Variants in CABP5 observed in about 807,000 individuals in gnomAD.
CABP5 encodes calcium-binding protein 5.
Under a neutral mutation model 21.9 loss-of-function variants are expected in CABP5, and 17 were observed. The observed-to-expected ratio is 0.78, with a 90% confidence interval of 0.53 to 1.17. The LOEUF (loss-of-function observed/expected upper bound fraction) is 1.17, where lower values mean the gene tolerates loss of function less well. Among genes scored for constraint, CABP5 ranks in the 50% most tolerant of loss-of-function variants. The pLI is 0.00. For missense variants in CABP5, 229 were observed against 228.9 expected, an observed-to-expected ratio of 1.00 and a Z score of 0.00; for synonymous variants, 85 against 79.4, an observed-to-expected ratio of 1.07 and a Z score of -0.37.
chr19:48,036,233 T>C (rs1056214120), intron 4 of CABP5, among the ~76,000 whole-genome samples: 1 of 152,110 alleles, frequency 6.6e-6, no homozygotes, highest in African/African-American at 2.4e-5. Context: ...GTAGTGCCCA[T>C]GTGGAAGGCA....
At chr19:48,031,759 C>T (rs777238642) in intron 5 of CABP5, among the ~76,000 whole-genome samples, 11 of 152,018 alleles carry the variant, frequency 7.2e-5, no homozygotes, top group Non-Finnish European at 1.6e-4. Flanking sequence ...CCACCCGGGT[C>T]TTGAGGTCAT....
Position 48,039,806 on chromosome 19 carries a change from C to T in CABP5, c.239-489G>A, listed in dbSNP as rs1274731141. 3.4e-5 allele frequency among the ~76,000 whole-genome samples: 5 copies of T among 148,642 alleles called. No homozygotes were observed. The East Asian group carries it at 5.9e-4, about 18-fold the overall frequency. Reference sequence around the variant, plus strand: ...TCGGCTCACTGCAACCTCTGCCTCCCGGGTTCAAGCGATTCTCGTACCTTA... The same window carrying T: ...TCGGCTCACTGCAACCTCTGCCTCCTGGGTTCAAGCGATTCTCGTACCTTA... On this transcript the variant is annotated intron_variant, in intron 3 of 5. Coordinates refer to ENST00000293255, the MANE Select transcript of CABP5 (RefSeq NM_019855.5).
At chr19:48,033,673 A>T (rs11880492) in intron 5 of CABP5, among the ~76,000 whole-genome samples, 45,884 of 152,012 alleles carry the variant, frequency 0.3, 7,823 homozygotes, top group Non-Finnish European at 0.38. Context: ...CAGGGAAGGA[A>T]AATTTAAAAA....
chr19:48,041,698 G>T, intron 1 of CABP5, 95 bp from the exon 2 acceptor site: 1 of 1,143,900 alleles, frequency 8.7e-7, no homozygotes, highest in Non-Finnish European at 1.3e-6. Context: ...CCACGCTCTC[G>T]TGGTTCTCTT....
chr19:48,033,951 A>C (rs2052596206), intron 5 of CABP5, among the ~76,000 whole-genome samples: 1 of 152,144 alleles, frequency 6.6e-6, no homozygotes, highest in Admixed American at 6.6e-5. Context: ...GCAAGGCGGA[A>C]GGGCGTCCTG....
At chr19:48,034,550 T>C (rs796412319) in intron 4 of CABP5, among the ~76,000 whole-genome samples, 188 bp from the exon 5 acceptor site, 5 of 147,758 alleles carry the variant, frequency 3.4e-5, no homozygotes, top group South Asian at 2.1e-4. Context: ...CTTTCTTTTT[T>C]TTTTTTTTTT....
chr19:48,042,169 AG>A (rs1967489633), intron 1 of CABP5, among the ~76,000 whole-genome samples: 1 of 152,112 alleles, frequency 6.6e-6, no homozygotes, highest in Admixed American at 6.5e-5. Flanking sequence ...TCATGGGGCA[AG>A]TCAGACACAG....
At position 48,030,302 on chromosome 19, in the gene CABP5, C is replaced by T. The variant is rs960477979; in HGVS notation, c.*255G>A. 1.4e-5 allele frequency: 6 copies of T among 437,166 alleles called. No homozygotes were observed. Among genetic ancestry groups the T allele is most frequent in the Non-Finnish European group, 2.4e-5 (6 of 248,310 alleles). The allele number at this position is 437,166 out of a possible 1,614,324, so 27.1% of individuals were successfully genotyped here. On this transcript the variant is annotated 3_prime_UTR_variant, in exon 6 of 6. Transcript: ENST00000293255. ...GAATCATTGGAATTTTTGGGGGTGG[C>T]AACTGGACCCTCCCACGCTTCCTAT... is the stretch of plus-strand genomic sequence containing the variant.
intron 1 of CABP5, 91 bp from the exon 2 acceptor site, chr19:48,041,694 T>C: frequency 8.8e-7 from 1 of 1,142,294 alleles, no homozygotes; most frequent in South Asian, 1.4e-5. Flanking sequence ...CTCCCCACGC[T>C]CTCGTGGTTC....
intron 5 of CABP5, among the ~76,000 whole-genome samples, chr19:48,032,841 C>G (rs77158736): frequency 0.3 from 45,844 of 151,124 alleles, 7,802 homozygotes; most frequent in Non-Finnish European, 0.38. Context: ...ACGTTGGCCC[C>G]CCTGGTCTCG....
At chr19:48,037,259 C>CTGTTTTTTTTTTTTTTTTTTT (rs1967420294) in intron 4 of CABP5, among the ~76,000 whole-genome samples, 1 of 44,958 alleles carries the variant, frequency 2.2e-5, no homozygotes, top group African/African-American at 7.3e-5. Flanking sequence ...TACTATTCAG[C>CTGTTTTTTTTTTTTTTTTTTT]TTTTTTTTTT....
intron 4 of CABP5, among the ~76,000 whole-genome samples, chr19:48,035,821 A>G (rs1293781514): frequency 6.6e-6 from 1 of 152,224 alleles, no homozygotes; most frequent in Non-Finnish European, 1.5e-5. Context: ...GGGCCCAAGT[A>G]CGTAGGGGCT....
rs189741674 is a variant in CABP5, at chr19:48,039,544, T to C, written c.239-227A>G. ...GTGGAAGTAACTGCCTGTGTGACTTTCAGACAGTTGGTTAAGATGTTTCTC... is the reference window on the plus strand; with the variant it reads ...GTGGAAGTAACTGCCTGTGTGACTTCCAGACAGTTGGTTAAGATGTTTCTC... On this transcript the variant is annotated intron_variant, in intron 3 of 5. Coordinates refer to ENST00000293255, the MANE Select transcript of CABP5 (RefSeq NM_019855.5). Among the ~76,000 whole-genome samples, 849 of 152,152 alleles carry C rather than the reference T, an allele frequency of 5.6e-3. 4 individuals are homozygous for C. Among genetic ancestry groups the C allele is most frequent in the Non-Finnish European group, 9.0e-3 (612 of 68,018 alleles).
chr19:48,033,096 C>T (rs374435571), intron 5 of CABP5, among the ~76,000 whole-genome samples: 9 of 150,668 alleles, frequency 6.0e-5, no homozygotes, highest in Admixed American at 5.3e-4. Context: ...CCGCCCCCAG[C>T]GTTCTAGCAA....
In CABP5 at chr19:48,040,613, C is replaced by A. The variant is rs536265470; in HGVS notation, c.230G>T (p.Arg77Leu). The A allele has an allele frequency of 1.9e-6, 3 of 1,613,832 alleles. No individual in the cohort carries two copies. The highest frequency in any genetic ancestry group is 2.2e-5 in the South Asian group (2 of 91,046). Residue 77 changes from arginine to leucine, a missense_variant, in exon 3 of 6, where the codon CGC (arginine) becomes CTC (leucine). By Grantham distance (102) the Arg-to-Leu change is moderately radical (BLOSUM62 -2). Coordinates refer to ENST00000293255, the MANE Select transcript of CABP5 (RefSeq NM_019855.5). ...MELIELGQQI[R>L]MNLGGRVDFD... ...CCATTCCCTGGACTCACGGTTCATG[C>A]GGATTTGCTGGCCGAGCTCAATCAG... is the stretch of plus-strand genomic sequence containing the variant.
rs2122357173 is a variant in CABP5 at position 48,030,455 on chromosome 19, C to G, written c.*102G>C. ...ATGCCCTCCCTCCCGCCTGCCCTCC[C>G]TCTCTGCTTTAAGGGGATCTGGGGC... On this transcript the variant is annotated 3_prime_UTR_variant, in exon 6 of 6. Transcript: ENST00000293255. The G allele has an allele frequency of 1.6e-6, 2 of 1,242,896 alleles. No individual in the cohort carries two copies. Among genetic ancestry groups the G allele is most frequent in the Non-Finnish European group, 2.3e-6 (2 of 873,098 alleles). 77.0% of individuals were successfully genotyped at this position (1,242,896 alleles called of 1,614,324 possible). A position where few individuals can be genotyped will look rare whatever the true frequency, so the allele number is the denominator to read the frequency against.
chr19:48,034,544 C>CT (rs1209870200), intron 4 of CABP5, among the ~76,000 whole-genome samples, 182 bp from the exon 5 acceptor site: 1,320 of 99,704 alleles, frequency 0.013, 29 homozygotes, highest in African/African-American at 0.036. Flanking sequence ...TTTTTTCTTT[C>CT]TTTTTTTTTT....
At chr19:48,041,382 G>C (rs923399425) in intron 2 of CABP5, 191 bp downstream of exon 2, 1 of 622,076 alleles carries the variant, frequency 1.6e-6, no homozygotes, top group African/African-American at 1.9e-5. Context: ...GGATGGATAT[G>C]CCTTCGAAAT....
At chr19:48,037,581 G>A (rs1202650845) in intron 4 of CABP5, among the ~76,000 whole-genome samples, 1 of 150,626 alleles carries the variant, frequency 6.6e-6, no homozygotes, top group Non-Finnish European at 1.5e-5. Context: ...AAATTTTCTA[G>A]TAGTGACGTT....
Sources: gnomAD v4.1 joint callset for allele counts (sites outside exome capture counted in the v4.1 genomes callset) on GRCh38, gnomAD v4.1.1 for gene constraint, MANE v1.5 for transcripts, NCBI Gene and HGNC (gene_info 2026-07-23, HGNC 2026-07-21) for gene names.